CCDC57: variants seen among roughly 807,000 people sequenced by gnomAD.
CCDC57 encodes the protein coiled-coil domain-containing protein 57.
Under a neutral mutation model 118.9 loss-of-function variants are expected in CCDC57, and 118 were observed. The observed-to-expected ratio is 0.99, with a 90% CI of 0.86 to 1.16. CCDC57 has a LOEUF of 1.16. CCDC57 is among the 50% of genes most tolerant of loss of function. The probability of loss-of-function intolerance (pLI) is 0.00; values close to 1 mark genes in which losing one functional copy is unlikely to be tolerated. For synonymous variants in CCDC57, 527 were observed against 532.9 expected, an observed-to-expected ratio of 0.99 and a Z score of 0.15; for missense variants, 1,300 against 1,320.7, an observed-to-expected ratio of 0.98 and a Z score of 0.24.
At position 82,172,581 on chromosome 17, in the gene CCDC57, TCCTC is replaced by T. The variant is rs1271083512; in HGVS notation, c.1729+53_1729+56del. The T allele has an allele frequency of 1.0e-5, 15 of 1,453,944 alleles. No homozygotes were observed. In the Admixed American group the frequency reaches 2.2e-4, roughly 21 times the overall value. 90.1% of individuals were successfully genotyped at this position (1,453,944 alleles called of 1,614,324 possible). A position where few individuals can be genotyped will look rare whatever the true frequency, so the allele number is the denominator to read the frequency against. ...TCAAGACCCATGCTCCCGTCTGTCC[TCCTC>T]CCTCCCTCTCCCCCTTCCTCTCCCG... On this transcript the variant is annotated intron_variant, in intron 12 of 19. Coordinates refer to ENST00000665763, the Ensembl canonical transcript of CCDC57. This position sits in a 1 kb window ranked among gnomAD's most constrained non-coding sequence, Gnocchi z 5.2.
intron 15 of CCDC57, among the ~76,000 whole-genome samples, chr17:82,152,991 G>A (rs10163496): frequency 0.47 from 71,170 of 152,146 alleles, 17,466 homozygotes; most frequent in East Asian, 0.88. Flanking sequence ...AGCTGAGGAC[G>A]GGTGCAGGGC....
exon 20 of CCDC57, chr17:82,101,651 C>T (rs760690226): frequency 1.3e-6 from 2 of 1,552,558 alleles, no homozygotes; most frequent in South Asian, 1.2e-5. Context: ...GCCCCGAGCA[C>T]CCCTTAGTGG....
At chr17:82,110,309 C>T (rs1026085817) in intron 19 of CCDC57, among the ~76,000 whole-genome samples, 3 of 151,818 alleles carry the variant, frequency 2.0e-5, no homozygotes, top group Admixed American at 2.0e-4. Flanking sequence ...GGTAAGACTT[C>T]AGATGCAGAA....
chr17:82,194,379 C>T (rs375036650), intron 5 of CCDC57: 77 of 375,010 alleles, frequency 2.1e-4, no homozygotes, highest in South Asian at 1.3e-3. Flanking sequence ...GGCGTGATCT[C>T]GGCTCACTGC....
At chr17:82,117,244 C>T (rs1344775425) in intron 19 of CCDC57, among the ~76,000 whole-genome samples, 1 of 151,908 alleles carries the variant, frequency 6.6e-6, no homozygotes. Flanking sequence ...CCCAACTACT[C>T]CAGGGGCTGA....
intron 17 of CCDC57, among the ~76,000 whole-genome samples, chr17:82,132,966 G>A (rs1023642772): frequency 1.3e-4 from 19 of 151,998 alleles, no homozygotes; most frequent in Non-Finnish European, 2.4e-4. Flanking sequence ...CACCATGTTG[G>A]TCAGGCTGGT....
At chr17:82,161,044 C>T (rs765288053) in intron 14 of CCDC57, among the ~76,000 whole-genome samples, 9 of 152,110 alleles carry the variant, frequency 5.9e-5, no homozygotes, top group Admixed American at 1.3e-4. Context: ...GGGATCCACA[C>T]GGATGTTTCT....
At chr17:82,142,893 C>T (rs568730850) in intron 16 of CCDC57, among the ~76,000 whole-genome samples, 54 of 152,110 alleles carry the variant, frequency 3.6e-4, no homozygotes, top group African/African-American at 1.1e-3. Context: ...TGGCCGGGTA[C>T]GTGGCTCACG....
At chr17:82,134,381 T>C in intron 16 of CCDC57, 187 bp from the exon 16 acceptor site, 1 of 452,758 alleles carries the variant, frequency 2.2e-6, no homozygotes, top group Non-Finnish European at 3.6e-6. Flanking sequence ...GGTAGAGCTC[T>C]TGCACACACA....
chr17:82,125,947 G>T (rs563084375), intron 19 of CCDC57, among the ~76,000 whole-genome samples: 61 of 152,270 alleles, frequency 4.0e-4, no homozygotes, highest in Middle Eastern at 6.8e-3. Flanking sequence ...AAGTGTGAGC[G>T]ATGGAAAACT....
chr17:82,195,925 C>T (rs1054319515), intron 4 of CCDC57, among the ~76,000 whole-genome samples: 16 of 152,186 alleles, frequency 1.1e-4, no homozygotes, highest in Admixed American at 3.9e-4. Flanking sequence ...TAAAACGTCA[C>T]GTTTCCTTCT....
chr17:82,150,892 C>T (rs1266605455), intron 16 of CCDC57, among the ~76,000 whole-genome samples: 1 of 66,322 alleles, frequency 1.5e-5, no homozygotes, highest in African/African-American at 5.4e-5. Flanking sequence ...CAGAACCTGA[C>T]CCACACCCAG....
At chr17:82,175,265 C>T (rs914896957) in intron 11 of CCDC57, among the ~76,000 whole-genome samples, 4 of 152,216 alleles carry the variant, frequency 2.6e-5, no homozygotes, top group African/African-American at 4.8e-5. Context: ...AGCGGGATAC[C>T]GAGTGCCCAG....
intron 9 of CCDC57, among the ~76,000 whole-genome samples, chr17:82,183,389 T>C (rs1305357724): frequency 1.3e-5 from 2 of 152,118 alleles, no homozygotes; most frequent in Admixed American, 1.3e-4. Flanking sequence ...CTCACTATGT[T>C]AACCAGGCTG....
chr17:82,117,975 A>G (rs1180893260), intron 19 of CCDC57, among the ~76,000 whole-genome samples: 1 of 152,194 alleles, frequency 6.6e-6, no homozygotes, highest in Non-Finnish European at 1.5e-5. Flanking sequence ...CTTAAGAGCT[A>G]AAAACGACAG....
intron 19 of CCDC57, among the ~76,000 whole-genome samples, chr17:82,124,281 G>A (rs1410294562): frequency 6.6e-6 from 1 of 152,176 alleles, no homozygotes; most frequent in Non-Finnish European, 1.5e-5. Flanking sequence ...AAGAGAGGAG[G>A]GAGAGTGAAC....
chr17:82,189,881 G>A (rs562132502), intron 7 of CCDC57, among the ~76,000 whole-genome samples: 1 of 152,070 alleles, frequency 6.6e-6, no homozygotes, highest in Non-Finnish European at 1.5e-5. Flanking sequence ...ATGGTGGCAT[G>A]CGCCTGTAAT....
intron 19 of CCDC57, among the ~76,000 whole-genome samples, chr17:82,102,858 C>T (rs2034550573): frequency 6.6e-6 from 1 of 151,492 alleles, no homozygotes; most frequent in Non-Finnish European, 1.5e-5. Context: ...GCACTCCAGC[C>T]TGGGCGGACA....
Position 82,172,504 on chromosome 17 carries a change from T to A in CCDC57, c.1729+134A>T, listed in dbSNP as rs1486040686. ...AGCAGTTTTCATACTTTGAGTTTAT[T>A]ACAGGGGATGTTAACTTATAGGACT... On this transcript the variant is annotated intron_variant, in intron 12 of 19. Coordinates refer to ENST00000665763, the Ensembl canonical transcript of CCDC57. The surrounding 1 kb of genome is among the most constrained non-coding windows in gnomAD (Gnocchi z 5.2). 2 of 713,504 alleles carry A rather than the reference T, an allele frequency of 2.8e-6. No homozygotes were observed. Among genetic ancestry groups the A allele is most frequent in the Non-Finnish European group, 4.8e-6 (2 of 419,420 alleles). The allele number at this position is 713,504 out of a possible 1,614,324, so 44.2% of individuals were successfully genotyped here.
Sources: allele counts gnomAD v4.1 joint callset (sites outside exome capture counted in the v4.1 genomes callset), GRCh38; gene constraint gnomAD v4.1.1; non-coding constraint Gnocchi (gnomAD v3.1); transcripts MANE v1.5; gene names NCBI Gene and HGNC (gene_info 2026-07-23, HGNC 2026-07-21).